The following PTPRD variants were observed in gnomAD, a reference collection of about 807,000 sequenced individuals.
The protein encoded by PTPRD is protein tyrosine phosphatase receptor type D.
A neutral mutation model predicts 214.5 loss-of-function variants in PTPRD; 34 were observed. The observed-to-expected ratio is 0.16, with a 90% CI of 0.12 to 0.21. The LOEUF (loss-of-function observed/expected upper bound fraction) is 0.21, where lower values mean the gene tolerates loss of function less well. Ranked by LOEUF, PTPRD falls within the 10% of genes least tolerant of loss-of-function variation. PTPRD has a pLI of 1.00. For synonymous variants in PTPRD, 1,128 were observed against 845.7 expected (o/e 1.33, Z -5.79); for missense variants, 2,545 against 2,398.7 (o/e 1.06, Z -1.27).
intron 5 of PTPRD, among the ~76,000 whole-genome samples, chr9:9,875,668 T>C (rs2066645756): frequency 1.3e-5 from 2 of 152,108 alleles, no homozygotes; most frequent in African/African-American, 4.8e-5. Flanking sequence ...ACCTAGTACT[T>C]AGTAATAACG....
At chr9:8,477,897 C>T (rs916480395) in intron 30 of PTPRD, among the ~76,000 whole-genome samples, 14 of 152,192 alleles carry the variant, frequency 9.2e-5, no homozygotes, top group African/African-American at 3.4e-4. Context: ...GCCAGACTGC[C>T]TGGATTCAAG....
At chr9:8,338,648 C>A (rs1849297047) in intron 43 of PTPRD, among the ~76,000 whole-genome samples, 1 of 152,044 alleles carries the variant, frequency 6.6e-6, no homozygotes, top group African/African-American at 2.4e-5. Context: ...GTAAACACTT[C>A]CCAGCACGAA....
intron 3 of PTPRD, among the ~76,000 whole-genome samples, chr9:10,214,654 T>C (rs1280546215): frequency 6.6e-6 from 1 of 152,038 alleles, no homozygotes; most frequent in Non-Finnish European, 1.5e-5. Context: ...AACATGTTTA[T>C]CACCTAACAC....
At chr9:10,137,701 TA>T (rs76032048) in intron 3 of PTPRD, among the ~76,000 whole-genome samples, 8,054 of 72,038 alleles carry the variant, frequency 0.11, 1,366 homozygotes, top group East Asian at 0.54. Flanking sequence ...TAGAGTATAA[TA>T]AAAAAAAAAA....
chr9:9,628,683 TTCTTAGTAA>T (rs1289107229), intron 7 of PTPRD, among the ~76,000 whole-genome samples: 1 of 152,174 alleles, frequency 6.6e-6, no homozygotes, highest in Non-Finnish European at 1.5e-5. Flanking sequence ...TCCAACCTCC[TTCTTAGTAA>T]TCTTAAGAGG....
chr9:8,590,202 T>G (rs1359988119), intron 14 of PTPRD, among the ~76,000 whole-genome samples: 2 of 152,132 alleles, frequency 1.3e-5, no homozygotes, highest in Non-Finnish European at 2.9e-5. Context: ...GAATCAAATA[T>G]AGACTTCCTT....
intron 21 of PTPRD, among the ~76,000 whole-genome samples, chr9:8,515,776 G>C (rs2097771798): frequency 6.6e-6 from 1 of 152,110 alleles, no homozygotes; most frequent in Non-Finnish European, 1.5e-5. Context: ...CCAACACCTT[G>C]ATCTCAGACT....
At chr9:9,380,996 T>C (rs190111829) in intron 9 of PTPRD, among the ~76,000 whole-genome samples, 1 of 152,304 alleles carries the variant, frequency 6.6e-6, no homozygotes, top group African/African-American at 2.4e-5. Flanking sequence ...AAACTAATAA[T>C]AGCTATTCGT....
chr9:8,618,283 G>C (rs886773747), intron 14 of PTPRD, among the ~76,000 whole-genome samples: 2 of 152,090 alleles, frequency 1.3e-5, no homozygotes, highest in African/African-American at 4.8e-5. Flanking sequence ...CTGAATAACA[G>C]ATTACCATGT....
chr9:10,374,070 T>C (rs1018923468), intron 2 of PTPRD, among the ~76,000 whole-genome samples: 1 of 152,200 alleles, frequency 6.6e-6, no homozygotes, highest in South Asian at 2.1e-4. Flanking sequence ...AGCTGTGAGA[T>C]AGATAAAGTA....
intron 9 of PTPRD, among the ~76,000 whole-genome samples, chr9:9,266,098 A>G (rs1223252944): frequency 6.6e-6 from 1 of 151,524 alleles, no homozygotes; most frequent in Non-Finnish European, 1.5e-5. Flanking sequence ...TAAGTAAATG[A>G]GACAAAATAG....
At chr9:10,246,277 C>T (rs1263726958) in intron 3 of PTPRD, among the ~76,000 whole-genome samples, 1 of 152,120 alleles carries the variant, frequency 6.6e-6, no homozygotes, top group Non-Finnish European at 1.5e-5. Flanking sequence ...GAGTTTCGCT[C>T]TTGTTGCCCC....
chr9:8,686,480 A>G (rs2097683767), intron 12 of PTPRD, among the ~76,000 whole-genome samples: 1 of 152,200 alleles, frequency 6.6e-6, no homozygotes, highest in South Asian at 2.1e-4. Flanking sequence ...AAGTGATCCA[A>G]ATAGGTTAAT....
At chr9:8,931,849 A>T (rs2098954902) in intron 11 of PTPRD, among the ~76,000 whole-genome samples, 1 of 151,906 alleles carries the variant, frequency 6.6e-6, no homozygotes, top group Non-Finnish European at 1.5e-5. Context: ...AGAACTTGTT[A>T]TTGGCTTATT....
At chr9:9,082,974 G>T (rs1451583527) in intron 10 of PTPRD, among the ~76,000 whole-genome samples, 1 of 152,048 alleles carries the variant, frequency 6.6e-6, no homozygotes, top group Non-Finnish European at 1.5e-5. Context: ...TGGCCATACT[G>T]CCCAAAGTAA....
At chr9:9,879,725 T>C (rs943593054) in intron 5 of PTPRD, among the ~76,000 whole-genome samples, 2 of 152,146 alleles carry the variant, frequency 1.3e-5, no homozygotes, top group Non-Finnish European at 2.9e-5. Flanking sequence ...GAGATGTCTC[T>C]GAGATAAGAT....
At position 9,921,635 on chromosome 9, in the gene PTPRD, A is replaced by AT. The variant is rs142091370; in HGVS notation, c.-368+16871dup. On this transcript the variant is annotated intron_variant, in intron 5 of 45. Coordinates refer to ENST00000381196, the MANE Select transcript of PTPRD (RefSeq NM_002839.4). ...GCAGAGGATAAAATTAAAAGCCCTG[A>AT]TTTTTTTTTTTTTAAACAAAGACTG... is the stretch of plus-strand genomic sequence containing the variant. 1.6e-3 allele frequency among the ~76,000 whole-genome samples: 228 copies of AT among 146,032 alleles called. 1 individual carries two copies. The highest frequency in any genetic ancestry group is 2.8e-3 in the East Asian group (14 of 4,990).
chr9:9,759,555 CTTT>C (rs3050068), intron 6 of PTPRD, among the ~76,000 whole-genome samples: 2 of 117,838 alleles, frequency 1.7e-5, no homozygotes, highest in Non-Finnish European at 1.7e-5. Context: ...CAAGGTCTGT[CTTT>C]TTTTTTTTTT....
chr9:8,821,359 C>T (rs1422092557), intron 11 of PTPRD, among the ~76,000 whole-genome samples: 1 of 152,090 alleles, frequency 6.6e-6, no homozygotes, highest in Non-Finnish European at 1.5e-5. Flanking sequence ...ACTCCTGTTA[C>T]CTGCTGTGCT....
Sources: allele counts gnomAD v4.1 joint callset (sites outside exome capture counted in the v4.1 genomes callset), GRCh38; gene constraint gnomAD v4.1.1; transcripts MANE v1.5; gene names NCBI Gene and HGNC (gene_info 2026-07-23, HGNC 2026-07-21).